IMMP2L: variants seen among roughly 807,000 people sequenced by gnomAD.
The protein encoded by IMMP2L is inner mitochondrial membrane peptidase subunit 2.
A neutral mutation model predicts 19.3 loss-of-function variants in IMMP2L; 18 were observed. The observed-to-expected ratio is 0.93, with a 90% confidence interval of 0.64 to 1.38. The LOEUF (loss-of-function observed/expected upper bound fraction) is 1.38. Among genes scored for constraint, IMMP2L ranks in the 40% most tolerant of loss-of-function variants. The pLI, the probability that IMMP2L is intolerant of heterozygous loss-of-function variation, is 0.00. For missense variants in IMMP2L, 233 were observed against 218.2 expected (o/e 1.07, Z -0.43); for synonymous variants, 76 against 73.0 (o/e 1.04, Z -0.21).
intron 3 of IMMP2L, among the ~76,000 whole-genome samples, chr7:111,043,664 C>G (rs1752059403): frequency 6.6e-6 from 1 of 152,084 alleles, no homozygotes; most frequent in African/African-American, 2.4e-5. Flanking sequence ...ACTGTGTGAC[C>G]TTTGATATAA....
At chr7:110,813,572 C>G (rs762122568) in intron 5 of IMMP2L, among the ~76,000 whole-genome samples, 1 of 151,680 alleles carries the variant, frequency 6.6e-6, no homozygotes, top group East Asian at 2.0e-4. Context: ...GGACTACAGA[C>G]GCATGCCACC....
intron 5 of IMMP2L, among the ~76,000 whole-genome samples, chr7:110,703,850 T>A (rs897124720): frequency 1.4e-5 from 2 of 145,438 alleles, no homozygotes; most frequent in East Asian, 2.0e-4. Context: ...AAGAGAATAA[T>A]TTTTTTTTTT....
At chr7:111,151,188 T>C (rs1804031010) in intron 3 of IMMP2L, among the ~76,000 whole-genome samples, 1 of 152,216 alleles carries the variant, frequency 6.6e-6, no homozygotes, top group Admixed American at 6.5e-5. Context: ...TCAGCATTTG[T>C]TGAACTTAAA....
intron 3 of IMMP2L, among the ~76,000 whole-genome samples, chr7:111,428,610 C>T (rs887834912): frequency 2.0e-5 from 3 of 147,542 alleles, no homozygotes; most frequent in Admixed American, 1.3e-4. Context: ...TTTACTTTCA[C>T]GAAAGAAATC....
chr7:111,273,541 G>A (rs1344339447), intron 3 of IMMP2L, among the ~76,000 whole-genome samples: 2 of 152,104 alleles, frequency 1.3e-5, no homozygotes, highest in Non-Finnish European at 2.9e-5. Context: ...CCATGGGTAT[G>A]GGGTCATCAT....
chr7:110,897,370 G>GA (rs1168872631), intron 4 of IMMP2L, among the ~76,000 whole-genome samples: 1 of 152,098 alleles, frequency 6.6e-6, no homozygotes, highest in Non-Finnish European at 1.5e-5. Context: ...GATGAGACAG[G>GA]AAAAACTGCT....
At chr7:110,848,485 G>GA (rs1295792721) in intron 5 of IMMP2L, among the ~76,000 whole-genome samples, 1 of 152,144 alleles carries the variant, frequency 6.6e-6, no homozygotes. Context: ...AGTCACTTTA[G>GA]AATACAGTGT....
intron 1 of IMMP2L, among the ~76,000 whole-genome samples, chr7:111,548,930 T>G (rs1341979984): frequency 2.0e-5 from 3 of 152,144 alleles, no homozygotes; most frequent in Non-Finnish European, 4.4e-5. Context: ...TCCAAAAATG[T>G]GGCAACATAA....
chr7:111,419,468 G>A lies in IMMP2L; in HGVS notation c.239+67770C>T, dbSNP rs193015481. Among the ~76,000 whole-genome samples the A allele has an allele frequency of 2.0e-3, 302 of 151,698 alleles. 2 individuals carry two copies. The highest frequency in any genetic ancestry group is 8.1e-3 in the South Asian group (39 of 4,816). On this transcript the variant is annotated intron_variant, in intron 3 of 5. Coordinates refer to ENST00000405709, the MANE Select transcript of IMMP2L (RefSeq NM_032549.4). ...ACTGCTTAGGACAAACCTGTCTCCC[G>A]TGCTATTCAAAGTCACTCCTCTGCT...
intron 3 of IMMP2L, among the ~76,000 whole-genome samples, chr7:111,325,750 C>T (rs532414855): frequency 6.6e-6 from 1 of 151,680 alleles, no homozygotes; most frequent in Non-Finnish European, 1.5e-5. Flanking sequence ...ACTTTACATT[C>T]CGACCACGAG....
At chr7:110,890,625 C>A (rs759810599) in intron 4 of IMMP2L, among the ~76,000 whole-genome samples, 16 of 152,106 alleles carry the variant, frequency 1.1e-4, no homozygotes, top group Non-Finnish European at 1.5e-5. Context: ...ACAAGATAAT[C>A]TTTTAGGTGA....
chr7:110,670,621 C>G (rs1791831442), intron 5 of IMMP2L, among the ~76,000 whole-genome samples: 1 of 148,656 alleles, frequency 6.7e-6, no homozygotes, highest in African/African-American at 2.5e-5. Context: ...ACCCAGGAGT[C>G]AGAGGTTGCA....
At chr7:111,190,656 G>T (rs1808763747) in intron 3 of IMMP2L, among the ~76,000 whole-genome samples, 1 of 152,016 alleles carries the variant, frequency 6.6e-6, no homozygotes, top group Non-Finnish European at 1.5e-5. Flanking sequence ...CCTTGGGCAG[G>T]TGACAGTCTC....
chr7:111,417,449 T>C (rs147249196), intron 3 of IMMP2L, among the ~76,000 whole-genome samples: 14 of 151,890 alleles, frequency 9.2e-5, no homozygotes, highest in African/African-American at 2.9e-4. Context: ...GTCATTTCTA[T>C]GTGTAATTAG....
At chr7:110,835,100 A>G (rs902238277) in intron 5 of IMMP2L, among the ~76,000 whole-genome samples, 1 of 152,188 alleles carries the variant, frequency 6.6e-6, no homozygotes, top group African/African-American at 2.4e-5. Context: ...TTAGGCAGGA[A>G]TAAGTATGTA....
At chr7:111,165,456 T>A (rs1771282062) in intron 3 of IMMP2L, among the ~76,000 whole-genome samples, 1 of 152,068 alleles carries the variant, frequency 6.6e-6, no homozygotes, top group Non-Finnish European at 1.5e-5. Flanking sequence ...AATTGCTGGA[T>A]CACAGGGTAA....
chr7:110,910,668 G>A (rs1309765935), intron 4 of IMMP2L, among the ~76,000 whole-genome samples: 2 of 152,128 alleles, frequency 1.3e-5, no homozygotes, highest in Non-Finnish European at 2.9e-5. Flanking sequence ...AAATTGGGTT[G>A]TATTTGGGGG....
At chr7:111,458,420 A>C (rs1839860688) in intron 3 of IMMP2L, among the ~76,000 whole-genome samples, 1 of 151,894 alleles carries the variant, frequency 6.6e-6, no homozygotes, top group Admixed American at 6.5e-5. Flanking sequence ...TTCTGTCAAA[A>C]ATAAACATAA....
At chr7:111,218,035 G>C (rs1042991109) in intron 3 of IMMP2L, among the ~76,000 whole-genome samples, 6 of 151,842 alleles carry the variant, frequency 4.0e-5, no homozygotes, top group Admixed American at 2.6e-4. Context: ...GCTTTCATAA[G>C]AAGTAAAAAT....
Sources: allele counts gnomAD v4.1 joint callset (sites outside exome capture counted in the v4.1 genomes callset), GRCh38; gene constraint gnomAD v4.1.1; transcripts MANE v1.5; gene names NCBI Gene and HGNC (gene_info 2026-07-23, HGNC 2026-07-21).